Variants in GAB1 observed in about 807,000 individuals in gnomAD.
The protein encoded by GAB1 is GRB2 associated binding protein 1.
GAB1 carries 19 observed loss-of-function variants against 66.5 expected under a neutral mutation model. The observed-to-expected ratio is 0.29, with a 90% CI of 0.20 to 0.42. The LOEUF is 0.42. GAB1 is among the 10% of genes least tolerant of loss of function. GAB1 has a pLI of 1.00. For missense variants in GAB1, 732 were observed against 858.5 expected, an observed-to-expected ratio of 0.85 and a Z score of 1.84; for synonymous variants, 294 against 301.4, an observed-to-expected ratio of 0.98 and a Z score of 0.25.
intron 9 of GAB1, among the ~76,000 whole-genome samples, chr4:143,467,409 A>G (rs971433580): frequency 1.2e-4 from 18 of 152,112 alleles, no homozygotes; most frequent in Admixed American, 1.1e-3. Flanking sequence ...TTTTGGATTC[A>G]TATTTTTTAT....
At chr4:143,337,475 C>T (rs1218061561) in intron 1 of GAB1, among the ~76,000 whole-genome samples, 1 of 152,190 alleles carries the variant, frequency 6.6e-6, no homozygotes, top group Non-Finnish European at 1.5e-5. Flanking sequence ...TTTCTTCCTC[C>T]AGGTTCCAGA....
At chr4:143,349,262 T>C (rs948463025) in intron 1 of GAB1, 4 of 917,806 alleles carry the variant, frequency 4.4e-6, no homozygotes, top group Admixed American at 2.6e-5. Flanking sequence ...TTTATTTTTC[T>C]TGTATAAAAA....
chr4:143,472,166 T>G lies in GAB1; in HGVS notation c.*2977T>G, dbSNP rs1170531916. ...TATCATTTAGTAAGATGTAAAAGAT[T>G]TTTTAAATCTACACTTCAGTTTATA... is the stretch of plus-strand genomic sequence containing the variant. On this transcript the variant is annotated 3_prime_UTR_variant, in exon 10 of 10. Transcript: ENST00000262994. 1 of 151,916 alleles carries G rather than the reference T, an allele frequency of 6.6e-6. No individual in the cohort carries two copies. Among genetic ancestry groups the G allele is most frequent in the East Asian group, 1.9e-4 (1 of 5,176 alleles). 9.4% of individuals were successfully genotyped at this position (151,916 alleles called of 1,614,324 possible).
chr4:143,347,093 G>GA (rs1415173821), intron 1 of GAB1, among the ~76,000 whole-genome samples: 1 of 152,188 alleles, frequency 6.6e-6, no homozygotes, highest in Admixed American at 6.5e-5. Context: ...AGGAATCTGT[G>GA]AAAATTATGG....
chr4:143,444,065 T>G (rs1178605240), intron 6 of GAB1, among the ~76,000 whole-genome samples: 2 of 152,180 alleles, frequency 1.3e-5, no homozygotes, highest in African/African-American at 2.4e-5. Context: ...AGCAGATGAG[T>G]CACTGGAAAT....
intron 1 of GAB1, among the ~76,000 whole-genome samples, chr4:143,410,521 A>G (rs1416443453): frequency 1.3e-5 from 2 of 152,182 alleles, no homozygotes; most frequent in African/African-American, 4.8e-5. Context: ...GTACATACCC[A>G]TACTCTAGGG....
intron 1 of GAB1, among the ~76,000 whole-genome samples, chr4:143,344,427 G>A (rs942841355): frequency 6.6e-6 from 1 of 152,174 alleles, no homozygotes; most frequent in African/African-American, 2.4e-5. Context: ...TTGAAGTCAC[G>A]ATCTTTCTGT....
intron 1 of GAB1, among the ~76,000 whole-genome samples, chr4:143,361,553 T>A (rs1477308505): frequency 6.6e-6 from 1 of 152,224 alleles, no homozygotes; most frequent in Non-Finnish European, 1.5e-5. Context: ...ACAGTTTCTC[T>A]GGAAAAGCTG....
At chr4:143,448,347 A>C (rs1734687432) in intron 6 of GAB1, among the ~76,000 whole-genome samples, 1 of 151,750 alleles carries the variant, frequency 6.6e-6, no homozygotes, top group Non-Finnish European at 1.5e-5. Flanking sequence ...TATTGATTGG[A>C]ATAGTTTCAG....
In GAB1 at chr4:143,337,343, C is replaced by T. The variant is rs1728693255; in HGVS notation, c.72+83C>T. 5.1e-6 allele frequency: 6 copies of T among 1,176,004 alleles called. No homozygotes were observed. In the Admixed American group the frequency reaches 8.1e-5, roughly 16 times the overall value. 72.8% of individuals were successfully genotyped at this position (1,176,004 alleles called of 1,614,324 possible). On this transcript the variant is annotated intron_variant, in intron 1 of 9. Coordinates refer to ENST00000262994, the MANE Select transcript of GAB1 (RefSeq NM_002039.4). ...CGGCTCGCCGGCGGCTGCAGCTGGC[C>T]GCGCGCGGGGCTGGTTCTTAAACGA...
At chr4:143,408,131 G>C (rs1732163592) in intron 1 of GAB1, among the ~76,000 whole-genome samples, 1 of 152,092 alleles carries the variant, frequency 6.6e-6, no homozygotes, top group Non-Finnish European at 1.5e-5. Flanking sequence ...TCCTGGCTGA[G>C]ACTCCTTCCA....
chr4:143,396,243 A>G (rs1475656475), intron 1 of GAB1, among the ~76,000 whole-genome samples: 3 of 152,214 alleles, frequency 2.0e-5, no homozygotes, highest in Non-Finnish European at 4.4e-5. Flanking sequence ...AGACTCATCC[A>G]TGGCCATGAT....
chr4:143,343,775 C>A (rs950091641), intron 1 of GAB1, among the ~76,000 whole-genome samples: 8 of 152,112 alleles, frequency 5.3e-5, no homozygotes, highest in African/African-American at 1.9e-4. Context: ...ACAGCAAAAT[C>A]TTAAGGGAGG....
chr4:143,384,738 G>C (rs192809661), intron 1 of GAB1, among the ~76,000 whole-genome samples: 257 of 152,316 alleles, frequency 1.7e-3, no homozygotes, highest in African/African-American at 6.1e-3. Context: ...TGTCCAGGCA[G>C]TTAACTTCTA....
intron 1 of GAB1, among the ~76,000 whole-genome samples, chr4:143,354,468 A>C (rs896517433): frequency 3.9e-5 from 6 of 152,148 alleles, no homozygotes; most frequent in African/African-American, 1.4e-4. Context: ...ATAAATTTTC[A>C]GTGGGGGTAT....
chr4:143,463,978 G>C (rs956593545), intron 8 of GAB1, among the ~76,000 whole-genome samples: 2 of 152,180 alleles, frequency 1.3e-5, no homozygotes, highest in Admixed American at 6.5e-5. Context: ...TTGTAATACT[G>C]TGAACAATTC....
At chr4:143,432,928 C>T (rs1339218141) in intron 2 of GAB1, among the ~76,000 whole-genome samples, 1 of 152,114 alleles carries the variant, frequency 6.6e-6, no homozygotes, top group Non-Finnish European at 1.5e-5. Flanking sequence ...AGAGGTGATG[C>T]CTTAAAGAAG....
At chr4:143,388,642 C>T (rs1435382624) in intron 1 of GAB1, among the ~76,000 whole-genome samples, 2 of 151,962 alleles carry the variant, frequency 1.3e-5, no homozygotes, top group African/African-American at 2.4e-5. Flanking sequence ...CTCGAACTCC[C>T]GACCTCAGGT....
At chr4:143,394,510 A>G (rs1446958258) in intron 1 of GAB1, among the ~76,000 whole-genome samples, 2 of 152,204 alleles carry the variant, frequency 1.3e-5, no homozygotes, top group Admixed American at 6.5e-5. Context: ...CTGAATATAC[A>G]TTATATGTAA....
Sources: allele counts gnomAD v4.1 joint callset (sites outside exome capture counted in the v4.1 genomes callset), GRCh38; gene constraint gnomAD v4.1.1; transcripts MANE v1.5; gene names NCBI Gene and HGNC (gene_info 2026-07-23, HGNC 2026-07-21).